Variants in DNAH8 observed in about 807,000 individuals in gnomAD.
DNAH8 encodes axonemal beta dynein heavy chain 8.
A neutral mutation model predicts 562.1 loss-of-function variants in DNAH8; 382 were observed. The observed-to-expected ratio is 0.68, with a 90% CI of 0.63 to 0.74. The LOEUF (loss-of-function observed/expected upper bound fraction) is 0.74, where lower values mean the gene tolerates loss of function less well. Ranked by LOEUF, DNAH8 falls within the 30% of genes least tolerant of loss-of-function variation. DNAH8 has a pLI of 0.00. For missense variants in DNAH8, 5,203 were observed against 5,620.4 expected, an observed-to-expected ratio of 0.93 and a Z score of 2.37; for synonymous variants, 1,881 against 1,919.4, an observed-to-expected ratio of 0.98 and a Z score of 0.52.
chr6:38,724,618 G>A (rs141562710), intron 3 of DNAH8, among the ~76,000 whole-genome samples: 1 of 152,310 alleles, frequency 6.6e-6, no homozygotes, highest in Non-Finnish European at 1.5e-5. Flanking sequence ...ATGATTAACA[G>A]TACCTCCTGA....
chr6:38,849,358 G>T lies in DNAH8; in HGVS notation c.5199+557G>T, dbSNP rs1287822284. 5.9e-5 allele frequency among the ~76,000 whole-genome samples: 9 copies of T among 152,220 alleles called. No individual in the cohort carries two copies. The South Asian group carries it at 1.0e-3, about 18-fold the overall frequency. On this transcript the variant is annotated intron_variant, in intron 37 of 92. Transcript: ENST00000327475. ...CTAGCAGATCAGAACATGCTGTGGA[G>T]CAAGAAAACAGCCTTGGGAGGCTGT...
chr6:38,995,750 A>G (rs372199664), intron 88 of DNAH8, among the ~76,000 whole-genome samples: 2 of 152,224 alleles, frequency 1.3e-5, no homozygotes, highest in African/African-American at 2.4e-5. Flanking sequence ...ATTCAATAAA[A>G]TTGTTACAGA....
chr6:38,988,707 A>G (rs566318691), intron 87 of DNAH8, among the ~76,000 whole-genome samples: 1 of 151,968 alleles, frequency 6.6e-6, no homozygotes, highest in East Asian at 1.9e-4. Flanking sequence ...CCTGCTTCTC[A>G]TTTTTGCATC....
At chr6:38,927,291 A>G (rs1782196225) in intron 74 of DNAH8, among the ~76,000 whole-genome samples, 2 of 152,228 alleles carry the variant, frequency 1.3e-5, no homozygotes, top group Admixed American at 1.3e-4. Context: ...AGCCATAACA[A>G]ACATCCTATT....
intron 56 of DNAH8, among the ~76,000 whole-genome samples, chr6:38,885,398 C>T (rs1378810527): frequency 6.6e-6 from 1 of 152,172 alleles, no homozygotes; most frequent in Admixed American, 6.5e-5. Context: ...ACCACCAGCT[C>T]TCTTCTTGAT....
At chr6:38,799,787 C>G (rs551549556) in intron 21 of DNAH8, among the ~76,000 whole-genome samples, 1 of 152,300 alleles carries the variant, frequency 6.6e-6, no homozygotes, top group East Asian at 1.9e-4. Context: ...AGCCCCAAGG[C>G]AACCCCAAAT....
chr6:38,993,972 C>T (rs9380817), intron 88 of DNAH8, among the ~76,000 whole-genome samples: 122,684 of 152,108 alleles, frequency 0.81, 50,147 homozygotes, highest in Middle Eastern at 0.88. Flanking sequence ...CAAGATTTAG[C>T]GAATATTGTC....
At chr6:38,824,297 A>G (rs1773125086) in intron 28 of DNAH8, among the ~76,000 whole-genome samples, 1 of 152,312 alleles carries the variant, frequency 6.6e-6, no homozygotes, top group Admixed American at 6.5e-5. Flanking sequence ...GGACGTAGAC[A>G]GGTTGACATC....
In DNAH8 at chr6:38,717,225, C is replaced by A. The variant is rs114989153; in HGVS notation, c.-35+1810C>A. Among the ~76,000 whole-genome samples, 1,290 of 152,196 alleles carry A rather than the reference C, an allele frequency of 8.5e-3. 21 individuals carry two copies. The highest frequency in any genetic ancestry group is 0.028 in the African/African-American group (1,173 of 41,520). On this transcript the variant is annotated intron_variant, in intron 1 of 92. Transcript: ENST00000327475. ...AGTTGTCTGTGAAGGAGAGAAGGACCCAGAGAAAGTGAACAAGTGTTGATG... is the reference window on the plus strand; with the variant it reads ...AGTTGTCTGTGAAGGAGAGAAGGACACAGAGAAAGTGAACAAGTGTTGATG...
chr6:39,014,629 A>G (rs181925151), intron 91 of DNAH8, among the ~76,000 whole-genome samples: 2 of 152,338 alleles, frequency 1.3e-5, no homozygotes, highest in African/African-American at 2.4e-5. Context: ...TAATTCTGCC[A>G]AGAGCTTCAC....
intron 3 of DNAH8, among the ~76,000 whole-genome samples, chr6:38,725,304 T>TAATAATA (rs1763118094): frequency 7.4e-6 from 1 of 135,386 alleles, no homozygotes; most frequent in Non-Finnish European, 1.6e-5. Context: ...CTCCAACTCA[T>TAATAATA]ATAATAATAA....
chr6:39,021,654 A>G lies in DNAH8; in HGVS notation c.13715-4892A>G, dbSNP rs1766925305. 2.0e-5 allele frequency among the ~76,000 whole-genome samples: 3 copies of G among 152,204 alleles called. No homozygotes were observed. In the South Asian group the frequency reaches 6.2e-4, roughly 32 times the overall value. On this transcript the variant is annotated intron_variant, in intron 91 of 92. Transcript: ENST00000327475. The stretch of plus-strand genomic sequence containing the variant: ...TACATTTGCTTCTCATTTGGGGGAA[A>G]AACTGCCTGTCTTAAACTCGTGGCA...
At chr6:38,715,938 ATATATATATATATATATATATATT>A (rs1762266056) in intron 1 of DNAH8, among the ~76,000 whole-genome samples, 1 of 21,462 alleles carries the variant, frequency 4.7e-5, no homozygotes, top group Non-Finnish European at 8.0e-5. Context: ...ATATATATAT[ATATATATATATATATATATATATT>A]TTTTTTTTTT....
intron 91 of DNAH8, among the ~76,000 whole-genome samples, chr6:39,025,136 ACT>A (rs1767186555): frequency 6.6e-6 from 1 of 151,664 alleles, no homozygotes; most frequent in African/African-American, 2.4e-5. Context: ...CTGACTCCAC[ACT>A]CTCTCAGCCA....
Position 38,734,542 on chromosome 6 carries a change from GC to G in DNAH8, c.683del (p.Pro228ArgfsTer4), listed in dbSNP as rs1484402426. 6.2e-7 allele frequency: 1 copy of G among 1,613,938 alleles called. No individual in the cohort carries two copies. The highest frequency in any genetic ancestry group is 1.7e-5 in the Admixed American group (1 of 60,000). ...KMMKLYIDNA[A>X]PDKLKGLCIF... is the part of the protein sequence containing the mutation. ...GATGAAATTGTATATAGACAATGCA[GC>G]CCCGGATAAACTAAAAGGACTGTGC... On this transcript the variant is annotated frameshift_variant, in exon 5 of 93. Transcript: ENST00000327475. LOFTEE classifies it high-confidence loss of function.
intron 64 of DNAH8, 150 bp from the exon 65 acceptor site, chr6:38,909,368 A>G: frequency 1.5e-6 from 1 of 668,312 alleles, no homozygotes; most frequent in Non-Finnish European, 2.6e-6. Context: ...TCCCTTCATC[A>G]CAACATTAAA....
chr6:39,012,252 CAATGAACATATTTCTTAGACAAGA>C lies in DNAH8; in HGVS notation c.13413_13436del (p.Met4471_Glu4478del). The C allele has an allele frequency of 6.2e-7, 1 of 1,611,416 alleles. No homozygotes were observed. The highest frequency in any genetic ancestry group is 8.5e-7 in the Non-Finnish European group (1 of 1,177,968). ...TTGATAAAGATGGGCCATCTTAATT[CAATGAACATATTTCTTAGACAAGA>C]AATTGACAGAATGCAAAGAGTCATT... On this transcript the variant is annotated inframe_deletion, in exon 90 of 93. Transcript: ENST00000327475.
chr6:38,988,181 G>T (rs949843616), intron 87 of DNAH8, among the ~76,000 whole-genome samples: 1 of 152,140 alleles, frequency 6.6e-6, no homozygotes, highest in Non-Finnish European at 1.5e-5. Flanking sequence ...ATCTTACAGA[G>T]TCTCTCTGCT....
In DNAH8 at chr6:38,815,555, T is replaced by C. The variant is rs1455966049; in HGVS notation, c.3421T>C (p.Trp1141Arg). The change falls in exon 26 of 93, where the codon TGG becomes CGG. Residue 1141 changes from tryptophan (W) to arginine (R), a missense_variant. Around this residue, in one of 6 missense-constraint regions of DNAH8, gnomAD observed 2,176 missense variants for 2,365.1 expected, o/e 0.92. Transcript: ENST00000327475. ...GGAGGTCAGCAGAGGAGTGGCTCACTGGGGGCAACAGCAAATCCGTCCCAT... is the reference window on the plus strand; with the variant it reads ...GGAGGTCAGCAGAGGAGTGGCTCACCGGGGGCAACAGCAAATCCGTCCCAT... ...TLEVSRGVAH[W>R]GQQQIRPIKS... The C allele has an allele frequency of 6.2e-7, 1 of 1,614,046 alleles. No individual in the cohort carries two copies. The highest frequency in any genetic ancestry group is 8.5e-7 in the Non-Finnish European group (1 of 1,179,954).
Sources: allele counts gnomAD v4.1 joint callset (sites outside exome capture counted in the v4.1 genomes callset), GRCh38; gene constraint gnomAD v4.1.1; regional missense constraint gnomAD v4.1.1; transcripts MANE v1.5; gene names NCBI Gene and HGNC (gene_info 2026-07-23, HGNC 2026-07-21).